MEF2A: variants seen among roughly 807,000 people sequenced by gnomAD.
MEF2A encodes myocyte-specific enhancer factor 2A.
MEF2A carries 28 observed loss-of-function variants against 55.8 expected under a neutral mutation model. That is an observed-to-expected ratio of 0.50 (90% CI 0.37 to 0.69). The LOEUF is 0.69. MEF2A is among the 30% of genes least tolerant of loss of function. The probability of loss-of-function intolerance (pLI) is 0.00; values close to 1 mark genes in which losing one functional copy is unlikely to be tolerated. For missense variants in MEF2A, 528 were observed against 626.2 expected, an observed-to-expected ratio of 0.84 and a Z score of 1.67; for synonymous variants, 239 against 227.1, an observed-to-expected ratio of 1.05 and a Z score of -0.47.
At chr15:99,653,561 T>G (rs1384114923) in intron 4 of MEF2A, among the ~76,000 whole-genome samples, 1 of 152,212 alleles carries the variant, frequency 6.6e-6, no homozygotes, top group East Asian at 1.9e-4. Context: ...TCTAACGTGT[T>G]TCACTGATTG....
intron 2 of MEF2A, among the ~76,000 whole-genome samples, chr15:99,614,170 A>T (rs1009009068): frequency 4.6e-5 from 7 of 152,232 alleles, no homozygotes; most frequent in Admixed American, 2.0e-4. Context: ...GAGATAATAT[A>T]TATTAAGGTC....
chr15:99,593,921 T>TA (rs755612393), intron 1 of MEF2A, among the ~76,000 whole-genome samples: 58 of 152,178 alleles, frequency 3.8e-4, no homozygotes, highest in Non-Finnish European at 6.2e-4. Flanking sequence ...TTGAGATAGG[T>TA]AAAAAACAAA....
intron 4 of MEF2A, among the ~76,000 whole-genome samples, chr15:99,653,126 G>A (rs2047121200): frequency 6.6e-6 from 1 of 152,156 alleles, no homozygotes; most frequent in Non-Finnish European, 1.5e-5. Context: ...TTCATTTAGG[G>A]CAGAAGATAC....
chr15:99,622,697 C>CTTTGCTTT, intron 2 of MEF2A, among the ~76,000 whole-genome samples: 1 of 64,246 alleles, frequency 1.6e-5, no homozygotes, highest in Middle Eastern at 0.018. Context: ...AGGATGTTTT[C>CTTTGCTTT]TTTTCTTTTT....
chr15:99,612,927 A>T (rs1284508960), intron 2 of MEF2A, among the ~76,000 whole-genome samples: 1 of 151,968 alleles, frequency 6.6e-6, no homozygotes, highest in African/African-American at 2.4e-5. Flanking sequence ...AAAAAAAAAA[A>T]GGAAAAGACC....
chr15:99,645,435 C>A, intron 3 of MEF2A, 126 bp from the exon 4 acceptor site: 1 of 695,962 alleles, frequency 1.4e-6, no homozygotes, highest in Non-Finnish European at 2.4e-6. Flanking sequence ...ATATGGAGGA[C>A]AAAGCTGGGA....
intron 1 of MEF2A, among the ~76,000 whole-genome samples, chr15:99,588,749 C>G (rs372185316): frequency 5.3e-5 from 8 of 151,770 alleles, no homozygotes; most frequent in African/African-American, 1.9e-4. Flanking sequence ...GGCCAGTTTG[C>G]TGAGTTTTTG....
intron 2 of MEF2A, among the ~76,000 whole-genome samples, 182 bp downstream of exon 2, chr15:99,598,693 G>C (rs1012837758): frequency 6.6e-6 from 1 of 152,052 alleles, no homozygotes; most frequent in Admixed American, 6.6e-5. Flanking sequence ...ATATTGTGTA[G>C]TGGCAGTTTC....
At chr15:99,578,757 G>A (rs1231285997) in intron 1 of MEF2A, among the ~76,000 whole-genome samples, 3 of 152,194 alleles carry the variant, frequency 2.0e-5, no homozygotes, top group Non-Finnish European at 2.9e-5. Context: ...CACAGGGTTC[G>A]TGTGATCAAT....
At chr15:99,688,184 T>C (rs2054669280) in intron 7 of MEF2A, among the ~76,000 whole-genome samples, 1 of 152,256 alleles carries the variant, frequency 6.6e-6, no homozygotes, top group African/African-American at 2.4e-5. Context: ...GTACACTGGT[T>C]ACTTATCTAC....
At chr15:99,640,983 C>T (rs530375480) in intron 3 of MEF2A, among the ~76,000 whole-genome samples, 1 of 152,158 alleles carries the variant, frequency 6.6e-6, no homozygotes, top group East Asian at 1.9e-4. Context: ...TCTCTTAACC[C>T]ACCAGTCTAG....
At chr15:99,656,167 G>A (rs1285847036) in intron 4 of MEF2A, among the ~76,000 whole-genome samples, 2 of 152,136 alleles carry the variant, frequency 1.3e-5, no homozygotes, top group South Asian at 4.1e-4. Flanking sequence ...TATAAAATAT[G>A]TTTAAGTTGA....
rs538247452 is a variant in MEF2A, at chr15:99,714,706, T to C, written c.*1935T>C. On this transcript the variant is annotated 3_prime_UTR_variant, in exon 12 of 12. Coordinates refer to ENST00000557942, the MANE Select transcript of MEF2A (RefSeq NM_001319206.4). Reference sequence around the variant, plus strand: ...TCTTTCATTGTAGATTTTTAAATACTCCTTTTCCTAAAAAACTCAAGGGTT... The same window carrying C: ...TCTTTCATTGTAGATTTTTAAATACCCCTTTTCCTAAAAAACTCAAGGGTT... 2.0e-5 allele frequency: 3 copies of C among 152,186 alleles called. No individual in the cohort carries two copies. The South Asian group carries it at 6.2e-4, about 32-fold the overall frequency. The allele number at this position is 152,186 out of a possible 1,614,324, so 9.4% of individuals were successfully genotyped here.
intron 1 of MEF2A, among the ~76,000 whole-genome samples, chr15:99,589,955 A>AT (rs1207773707): frequency 6.6e-6 from 1 of 151,930 alleles, no homozygotes; most frequent in Non-Finnish European, 1.5e-5. Flanking sequence ...ACACATGTAC[A>AT]TTTTCATGTT....
intron 4 of MEF2A, among the ~76,000 whole-genome samples, chr15:99,665,569 A>G (rs1184968538): frequency 6.6e-6 from 1 of 152,188 alleles, no homozygotes; most frequent in Non-Finnish European, 1.5e-5. Context: ...AACAAAAGCC[A>G]AAATAGATAA....
At chr15:99,690,577 A>T (rs559621382) in intron 8 of MEF2A, 149 bp downstream of exon 8, 2 of 798,410 alleles carry the variant, frequency 2.5e-6, no homozygotes, top group Non-Finnish European at 4.2e-6. Flanking sequence ...ATTTGAAGAG[A>T]CAAGTCTATT....
intron 4 of MEF2A, among the ~76,000 whole-genome samples, chr15:99,647,469 T>TAA (rs1160586632): frequency 6.6e-6 from 1 of 152,186 alleles, no homozygotes; most frequent in Middle Eastern, 3.2e-3. Flanking sequence ...CAGCAGTTGT[T>TAA]ATTCTTGGTC....
chr15:99,706,762 C>G lies in MEF2A; in HGVS notation c.916C>G (p.Gln306Glu). Reference sequence around the variant, plus strand: ...GAGGATCAGTAGTTCTCAAGCCACTCAACCTCTTGCTACCCCAGTCGTGTC... The same window carrying G: ...GAGGATCAGTAGTTCTCAAGCCACTGAACCTCTTGCTACCCCAGTCGTGTC... ...TQRISSSQAT[Q>E]PLATPVVSVT... Residue 306 changes from glutamine to glutamate, a missense_variant, in exon 10 of 12, where the codon CAA (glutamine) becomes GAA (glutamate). Around this residue, in one of 2 missense-constraint regions of MEF2A, gnomAD observed 450 missense variants for 475.3 expected, o/e 0.95. Coordinates refer to ENST00000557942, the MANE Select transcript of MEF2A (RefSeq NM_001319206.4). 6.2e-7 allele frequency: 1 copy of G among 1,613,820 alleles called. No individual in the cohort carries two copies. The highest frequency in any genetic ancestry group is 8.5e-7 in the Non-Finnish European group (1 of 1,179,724).
intron 1 of MEF2A, among the ~76,000 whole-genome samples, chr15:99,576,115 C>G (rs1023787650): frequency 6.6e-6 from 1 of 152,132 alleles, no homozygotes; most frequent in Non-Finnish European, 1.5e-5. Flanking sequence ...ATTTAGAAAC[C>G]AGAAACCAGG....
Sources: allele counts gnomAD v4.1 joint callset (sites outside exome capture counted in the v4.1 genomes callset), GRCh38; gene constraint gnomAD v4.1.1; regional missense constraint gnomAD v4.1.1; transcripts MANE v1.5; gene names NCBI Gene and HGNC (gene_info 2026-07-23, HGNC 2026-07-21).